PTPRJ: variants seen among roughly 807,000 people sequenced by gnomAD.
PTPRJ encodes the protein protein tyrosine phosphatase receptor type J, also known as receptor-type tyrosine-protein phosphatase eta.
A neutral mutation model predicts 141.3 loss-of-function variants in PTPRJ; 129 were observed. That is an observed-to-expected ratio of 0.91 (90% CI 0.79 to 1.06). The LOEUF is 1.06. PTPRJ is among the 50% of genes least tolerant of loss of function. PTPRJ has a pLI of 0.00. For missense variants in PTPRJ, 1,601 were observed against 1,679.7 expected (o/e 0.95, Z 0.82); for synonymous variants, 610 against 640.5 (o/e 0.95, Z 0.72).
chr11:48,113,328 A>G (rs754188677), intron 3 of PTPRJ, among the ~76,000 whole-genome samples: 39 of 152,182 alleles, frequency 2.6e-4, no homozygotes, highest in Non-Finnish European at 5.1e-4. Flanking sequence ...TATATTACAA[A>G]TATTCTTCCC....
chr11:48,106,566 A>G (rs1462890428), intron 1 of PTPRJ, among the ~76,000 whole-genome samples: 1 of 152,172 alleles, frequency 6.6e-6, no homozygotes, highest in African/African-American at 2.4e-5. Context: ...ACTGGGAGAC[A>G]GGTTTAATGA....
intron 1 of PTPRJ, among the ~76,000 whole-genome samples, chr11:48,025,314 C>T (rs969657491): frequency 1.3e-5 from 2 of 152,112 alleles, no homozygotes; most frequent in African/African-American, 2.4e-5. Context: ...AGCTGCCAGT[C>T]GGCTTCTTGC....
At chr11:47,998,329 A>C (rs941976947) in intron 1 of PTPRJ, among the ~76,000 whole-genome samples, 1 of 152,238 alleles carries the variant, frequency 6.6e-6, no homozygotes, top group African/African-American at 2.4e-5. Flanking sequence ...ATTTGGTTCT[A>C]GCATAAAGAA....
chr11:48,065,015 T>C (rs1455350672), intron 1 of PTPRJ, among the ~76,000 whole-genome samples: 1 of 141,164 alleles, frequency 7.1e-6, no homozygotes, highest in Non-Finnish European at 1.5e-5. Flanking sequence ...TTTTTTTTTT[T>C]TTTTTTTTTT....
Position 48,166,502 on chromosome 11 carries a change from C to T in PTPRJ, c.3856-702C>T, listed in dbSNP as rs544581847. Among the ~76,000 whole-genome samples, 14 of 151,062 alleles carry T rather than the reference C, an allele frequency of 9.3e-5. No homozygotes were observed. The East Asian group carries it at 1.4e-3, about 15-fold the overall frequency. ...CAAATTTTTGTATTTTTAGTAGAGACGGGGTTTCACCATGTTGGCCAGGCT... is the reference window on the plus strand; with the variant it reads ...CAAATTTTTGTATTTTTAGTAGAGATGGGGTTTCACCATGTTGGCCAGGCT... On this transcript the variant is annotated intron_variant, in intron 24 of 24. Coordinates refer to ENST00000418331, the MANE Select transcript of PTPRJ (RefSeq NM_002843.4).
At chr11:48,125,260 C>A (rs1403590835) in intron 6 of PTPRJ, 74 bp downstream of exon 6, 4 of 1,512,632 alleles carry the variant, frequency 2.6e-6, no homozygotes, top group Non-Finnish European at 3.7e-6. Context: ...GATTCTGATT[C>A]TGAGTGATTT....
chr11:48,119,441 C>T (rs1856650938), intron 3 of PTPRJ, among the ~76,000 whole-genome samples: 1 of 152,170 alleles, frequency 6.6e-6, no homozygotes, highest in Non-Finnish European at 1.5e-5. Context: ...CTCTGTTGCC[C>T]AGGCTGGAGT....
intron 3 of PTPRJ, among the ~76,000 whole-genome samples, chr11:48,115,865 GT>G: frequency 6.6e-6 from 1 of 152,236 alleles, no homozygotes; most frequent in Middle Eastern, 3.4e-3. Flanking sequence ...AAAATAACCT[GT>G]TATAACTATA....
At position 48,123,647 on chromosome 11, in the gene PTPRJ, C is replaced by A; in HGVS notation, c.651C>A (p.Leu217=). The change falls in exon 5 of 25, where the codon CTC becomes CTA. Residue 217 remains leucine (L), a synonymous_variant. Coordinates refer to ENST00000418331, the MANE Select transcript of PTPRJ (RefSeq NM_002843.4). ...CAGTTTCTGATCTCCGTGTTGCCCT[C>A]ACGGGTGTGAGGAAGGCTGCTCTCT... ...PIPVSDLRVA[L]TGVRKAALSW... 1 of 1,614,112 alleles carries A rather than the reference C, an allele frequency of 6.2e-7. No homozygotes were observed.
chr11:48,047,503 T>G (rs936853403), intron 1 of PTPRJ, among the ~76,000 whole-genome samples: 8 of 151,784 alleles, frequency 5.3e-5, no homozygotes, highest in African/African-American at 1.9e-4. Context: ...TGGTAATTTT[T>G]TTTTTTTTTC....
intron 1 of PTPRJ, among the ~76,000 whole-genome samples, chr11:48,084,484 A>G (rs898312482): frequency 8.5e-5 from 13 of 152,172 alleles, no homozygotes; most frequent in African/African-American, 3.1e-4. Flanking sequence ...CTAGGTTTTT[A>G]TAGCAAAATT....
chr11:48,085,445 A>G (rs1347489138), intron 1 of PTPRJ, among the ~76,000 whole-genome samples: 1 of 152,058 alleles, frequency 6.6e-6, no homozygotes, highest in Non-Finnish European at 1.5e-5. Flanking sequence ...CCCGGGTTCA[A>G]AGGATTCTCC....
intron 1 of PTPRJ, among the ~76,000 whole-genome samples, chr11:48,053,817 C>T (rs148203609): frequency 1.4e-3 from 206 of 149,486 alleles, no homozygotes; most frequent in African/African-American, 4.7e-3. Context: ...CCTCATGATC[C>T]GCCCACCTTG....
chr11:48,027,237 G>C (rs931489692), intron 1 of PTPRJ, among the ~76,000 whole-genome samples: 2 of 151,376 alleles, frequency 1.3e-5, no homozygotes, highest in Non-Finnish European at 2.9e-5. Context: ...TTGATCTCCT[G>C]ACCTTGTCAT....
chr11:48,053,358 A>G (rs1854648632), intron 1 of PTPRJ, among the ~76,000 whole-genome samples: 1 of 97,708 alleles, frequency 1.0e-5, no homozygotes. Context: ...ATATAAATAT[A>G]TAAAAATATA....
Position 48,145,100 on chromosome 11 carries a change from G to A in PTPRJ, c.2887G>A (p.Ala963Thr). The change falls in exon 14 of 25, where the codon GCT becomes ACT. Residue 963 changes from alanine (A) to threonine (T), a missense_variant. Transcript: ENST00000418331. ...TGTGTCCTTCAGTCGCTACTCAGATGCTGTTTCCTTGCCCCAGGATCCAGG... is the reference window on the plus strand; with the variant it reads ...TGTGTCCTTCAGTCGCTACTCAGATACTGTTTCCTTGCCCCAGGATCCAGG... ...SYVSFSRYSD[A>T]VSLPQDPGVI... 6.2e-7 allele frequency: 1 copy of A among 1,614,132 alleles called. No individual in the cohort carries two copies. Among genetic ancestry groups the A allele is most frequent in the African/African-American group, 1.3e-5 (1 of 75,046 alleles).
intron 6 of PTPRJ, among the ~76,000 whole-genome samples, chr11:48,127,338 C>T (rs1056887942): frequency 2.6e-5 from 4 of 152,208 alleles, no homozygotes; most frequent in African/African-American, 4.8e-5. Context: ...TTTCCTGTGG[C>T]CCACCTGGGT....
intron 1 of PTPRJ, among the ~76,000 whole-genome samples, chr11:48,021,380 T>TAAATAAATAAATAAATAAATA (rs1340760592): frequency 7.8e-4 from 35 of 44,810 alleles, no homozygotes; most frequent in Non-Finnish European, 5.8e-4. Flanking sequence ...GTCCCTAAAA[T>TAAATAAATAAATAAATAAATA]AAATAAATAA....
At position 48,159,097 on chromosome 11, in the gene PTPRJ, G is replaced by GGTGT. The variant is rs386373794; in HGVS notation, c.3439-818_3439-815dup. ...TGTGTGTGCGTGTGTGTGTATGTGG[G>GGTGT]GTGTGTGTGTGTGTGTGTATGTGGG... On this transcript the variant is annotated intron_variant, in intron 21 of 24. Coordinates refer to ENST00000418331, the MANE Select transcript of PTPRJ (RefSeq NM_002843.4). 8.7e-3 allele frequency among the ~76,000 whole-genome samples: 1,212 copies of GGTGT among 139,732 alleles called. 34 individuals carry two copies. Among genetic ancestry groups the GGTGT allele is most frequent in the African/African-American group, 0.031 (1,153 of 37,020 alleles). The allele number at this position is 139,732 out of a possible 152,430, so 91.7% of individuals were successfully genotyped here.
Sources: gnomAD v4.1 joint callset for allele counts (sites outside exome capture counted in the v4.1 genomes callset) on GRCh38, gnomAD v4.1.1 for gene constraint, MANE v1.5 for transcripts, NCBI Gene and HGNC (gene_info 2026-07-23, HGNC 2026-07-21) for gene names.